The following TTC3 variants were observed in gnomAD, a reference collection of about 807,000 sequenced individuals.
The protein encoded by TTC3 is tetratricopeptide repeat domain 3.
In TTC3, 180 loss-of-function variants were observed where a neutral mutation model predicts 249.6. That is an observed-to-expected ratio of 0.72 (90% CI 0.64 to 0.82). The LOEUF (loss-of-function observed/expected upper bound fraction) is 0.82. Ranked by LOEUF, TTC3 falls within the 40% of genes least tolerant of loss-of-function variation. TTC3 has a pLI of 0.00. For synonymous variants in TTC3, 717 were observed against 805.0 expected, an observed-to-expected ratio of 0.89 and a Z score of 1.85; for missense variants, 2,061 against 2,398.4, an observed-to-expected ratio of 0.86 and a Z score of 2.94.
In TTC3 at chr21:37,100,492, A is replaced by G. The variant is rs117362706; in HGVS notation, c.845+3849A>G. 5.0e-3 allele frequency among the ~76,000 whole-genome samples: 721 copies of G among 144,674 alleles called. 8 individuals are homozygous for G. In the Middle Eastern group the frequency reaches 0.059, roughly 12 times the overall value. The allele number at this position is 144,674 out of a possible 152,430, so 94.9% of individuals were successfully genotyped here. On this transcript the variant is annotated intron_variant, in intron 10 of 45. Transcript: ENST00000355666. Reference sequence around the variant, plus strand: ...CATGGGGAAGCCTGAGGTGAGGTATATATGGGGAAACAGATGCTTCCTTCT... The same window carrying G: ...CATGGGGAAGCCTGAGGTGAGGTATGTATGGGGAAACAGATGCTTCCTTCT...
intron 20 of TTC3, among the ~76,000 whole-genome samples, chr21:37,144,100 G>C (rs574766139): frequency 1.1e-4 from 16 of 151,736 alleles, no homozygotes; most frequent in East Asian, 3.9e-4. Context: ...TTGTGAGGTG[G>C]GGGGAGGGGA....
intron 11 of TTC3, among the ~76,000 whole-genome samples, chr21:37,115,838 C>T (rs1436763314): frequency 2.6e-5 from 4 of 152,176 alleles, no homozygotes; most frequent in Non-Finnish European, 4.4e-5. Context: ...TTCCCCAGAG[C>T]GTTGGCCAGC....
chr21:37,197,207 G>A (rs1474304972), intron 42 of TTC3, among the ~76,000 whole-genome samples: 1 of 152,188 alleles, frequency 6.6e-6, no homozygotes, highest in Non-Finnish European at 1.5e-5. Flanking sequence ...CTCACGCCAG[G>A]CCGAGGCAGG....
intron 17 of TTC3, among the ~76,000 whole-genome samples, chr21:37,133,732 C>T (rs2077677529): frequency 6.6e-6 from 1 of 152,086 alleles, no homozygotes; most frequent in Non-Finnish European, 1.5e-5. Context: ...AAGCATGAGG[C>T]TGTATGGATC....
In TTC3 at chr21:37,160,757, A is replaced by G. The variant is rs199647727; in HGVS notation, c.3040-45A>G. On this transcript the variant is annotated intron_variant, in intron 29 of 45. Transcript: ENST00000355666. Reference sequence around the variant, plus strand: ...TGGTTTCTTTATGTTGAGCTTCATAATGCTGTTATTTGAGTGTTCACTGAT... The same window carrying G: ...TGGTTTCTTTATGTTGAGCTTCATAGTGCTGTTATTTGAGTGTTCACTGAT... 94 of 1,592,168 alleles carry G rather than the reference A, an allele frequency of 5.9e-5. No homozygotes were observed. The African/African-American group carries it at 1.0e-3, about 17-fold the overall frequency.
chr21:37,123,013 C>A (rs1249791243), exon 13 of TTC3: 1 of 1,613,942 alleles, frequency 6.2e-7, no homozygotes, highest in Admixed American at 1.7e-5. Context: ...CCAATTAAAG[C>A]CTTTTATGAA....
At chr21:37,160,907 T>C in intron 30 of TTC3, 49 bp downstream of exon 30, 1 of 1,562,386 alleles carries the variant, frequency 6.4e-7, no homozygotes. Context: ...TCCAAAATAG[T>C]TAGTTGGACA....
chr21:37,148,459 G>T (rs2079168307), intron 22 of TTC3, 87 bp from the exon 23 acceptor site: 1 of 573,284 alleles, frequency 1.7e-6, no homozygotes, highest in African/African-American at 1.9e-5. Flanking sequence ...TGTTAGTCAA[G>T]CTCTCTCTGT....
intron 21 of TTC3, among the ~76,000 whole-genome samples, chr21:37,145,771 A>C (rs1454382812): frequency 6.6e-6 from 1 of 152,152 alleles, no homozygotes; most frequent in East Asian, 1.9e-4. Flanking sequence ...CTGTCTGTAG[A>C]GATCATATAG....
intron 11 of TTC3, among the ~76,000 whole-genome samples, chr21:37,116,228 T>C (rs1279842759): frequency 6.6e-6 from 1 of 152,196 alleles, no homozygotes; most frequent in Non-Finnish European, 1.5e-5. Context: ...AGCTGGCTTA[T>C]CAACATTTAT....
At chr21:37,079,516 G>GTTTT in intron 1 of TTC3, among the ~76,000 whole-genome samples, 1 of 91,490 alleles carries the variant, frequency 1.1e-5, no homozygotes, top group South Asian at 4.1e-4. Flanking sequence ...TTTATGGTAT[G>GTTTT]GTTTTTTTTT....
At chr21:37,161,772 G>C (rs988345467) in intron 30 of TTC3, among the ~76,000 whole-genome samples, 9 of 152,106 alleles carry the variant, frequency 5.9e-5, no homozygotes, top group African/African-American at 2.2e-4. Context: ...AATTTTTTTG[G>C]AGCATTGGAA....
chr21:37,197,130 A>G (rs2084999717), intron 42 of TTC3, among the ~76,000 whole-genome samples: 1 of 152,250 alleles, frequency 6.6e-6, no homozygotes, highest in South Asian at 2.1e-4. Context: ...TGTTAATTAC[A>G]GGCTTCAAAA....
At chr21:37,140,378 C>G (rs2078333374) in intron 19 of TTC3, among the ~76,000 whole-genome samples, 183 bp from the exon 20 acceptor site, 1 of 152,078 alleles carries the variant, frequency 6.6e-6, no homozygotes, top group African/African-American at 2.4e-5. Flanking sequence ...CTCTGACTAT[C>G]CATATGATCA....
chr21:37,191,992 A>G (rs2084192287), intron 40 of TTC3, 120 bp from the exon 41 acceptor site: 1 of 618,030 alleles, frequency 1.6e-6, no homozygotes, highest in Non-Finnish European at 2.8e-6. Context: ...CATTCGGTTT[A>G]ATGAGGTCTT....
intron 1 of TTC3, among the ~76,000 whole-genome samples, chr21:37,079,979 C>A (rs1416093194): frequency 1.3e-5 from 2 of 152,058 alleles, no homozygotes; most frequent in East Asian, 3.8e-4. Context: ...AAAGGATTAA[C>A]TTTTGGCCTA....
At chr21:37,127,672 G>A (rs976532632) in intron 15 of TTC3, among the ~76,000 whole-genome samples, 3 of 152,116 alleles carry the variant, frequency 2.0e-5, no homozygotes, top group African/African-American at 7.2e-5. Flanking sequence ...TTTAGTTAGT[G>A]ATCCTCTCTT....
chr21:37,120,084 C>T (rs1403383064), intron 11 of TTC3, among the ~76,000 whole-genome samples: 4 of 152,122 alleles, frequency 2.6e-5, no homozygotes, highest in South Asian at 4.1e-4. Context: ...TCCACCGTGC[C>T]GTCCATTGTT....
chr21:37,079,821 A>G (rs554845697), intron 1 of TTC3, among the ~76,000 whole-genome samples: 180 of 152,122 alleles, frequency 1.2e-3, no homozygotes, highest in Non-Finnish European at 1.6e-3. Flanking sequence ...GGTGTGAGCC[A>G]CCGCTCGTGG....
Sources: gnomAD v4.1 joint callset for allele counts (sites outside exome capture counted in the v4.1 genomes callset) on GRCh38, gnomAD v4.1.1 for gene constraint, MANE v1.5 for transcripts, NCBI Gene and HGNC (gene_info 2026-07-23, HGNC 2026-07-21) for gene names.